Variants in MALRD1 observed in about 807,000 individuals in gnomAD.
MALRD1 encodes the protein MAM and LDL receptor class A domain containing 1, also known as MAM and LDL-receptor class A domain-containing protein 1.
In MALRD1, 247 loss-of-function variants were observed where a neutral mutation model predicts 242.1. The ratio of observed to expected loss-of-function variants is 1.02; its 90% CI spans 0.92 to 1.13. The LOEUF (loss-of-function observed/expected upper bound fraction) is 1.13, where lower values mean the gene tolerates loss of function less well. Ranked by LOEUF, MALRD1 falls within the 50% of genes most tolerant of loss-of-function variation. The pLI is 0.00. For missense variants in MALRD1, 2,989 were observed against 2,533.1 expected (o/e 1.18, Z -3.86); for synonymous variants, 995 against 866.6 (o/e 1.15, Z -2.60).
At chr10:19,402,721 T>G (rs1468808184) in intron 28 of MALRD1, among the ~76,000 whole-genome samples, 2 of 152,184 alleles carry the variant, frequency 1.3e-5, no homozygotes, top group Non-Finnish European at 2.9e-5. Flanking sequence ...AATACACATG[T>G]GTCTTCCATG....
chr10:19,621,244 C>G (rs1839385454), intron 36 of MALRD1, among the ~76,000 whole-genome samples: 2 of 149,638 alleles, frequency 1.3e-5, no homozygotes, highest in Non-Finnish European at 3.0e-5. Flanking sequence ...AACTCCAATT[C>G]CAAGTTAAAT....
At chr10:19,693,579 C>T (rs529421006) in intron 38 of MALRD1, among the ~76,000 whole-genome samples, 13 of 152,180 alleles carry the variant, frequency 8.5e-5, no homozygotes, top group Admixed American at 3.3e-4. Context: ...TAAAAGAGGA[C>T]ACAAACAAAT....
intron 29 of MALRD1, among the ~76,000 whole-genome samples, chr10:19,482,360 A>G (rs1837032113): frequency 1.3e-5 from 2 of 152,096 alleles, no homozygotes; most frequent in African/African-American, 2.4e-5. Flanking sequence ...TTCATGTATT[A>G]AAAAGCTAAA....
chr10:19,148,788 A>AATATATATATATATATATATAT (rs767384867), intron 11 of MALRD1, among the ~76,000 whole-genome samples: 2 of 88,044 alleles, frequency 2.3e-5, no homozygotes, highest in African/African-American at 4.1e-5. Context: ...AAAAAAAAAA[A>AATATATATATATATATATATAT]ATATATATAT....
At chr10:19,414,353 A>G (rs1004559138) in intron 28 of MALRD1, among the ~76,000 whole-genome samples, 14 of 152,192 alleles carry the variant, frequency 9.2e-5, no homozygotes, top group African/African-American at 2.9e-4. Context: ...AAATTTTAAA[A>G]AATATATTGT....
chr10:19,132,189 T>A (rs1444922920), intron 8 of MALRD1, among the ~76,000 whole-genome samples: 1 of 152,222 alleles, frequency 6.6e-6, no homozygotes, highest in Non-Finnish European at 1.5e-5. Context: ...ATTATTTTCA[T>A]AAAATGAAAA....
intron 20 of MALRD1, among the ~76,000 whole-genome samples, chr10:19,281,948 G>T (rs564993264): frequency 2.4e-5 from 3 of 122,796 alleles, no homozygotes; most frequent in Non-Finnish European, 4.8e-5. Context: ...GGATGACAAA[G>T]TGAGACGATG....
At chr10:19,690,010 A>C (rs1842752855) in intron 36 of MALRD1, among the ~76,000 whole-genome samples, 1 of 152,074 alleles carries the variant, frequency 6.6e-6, no homozygotes, top group Non-Finnish European at 1.5e-5. Flanking sequence ...TATCTCGAAA[A>C]CATGTATAGA....
chr10:19,245,728 A>G (rs1839015895), intron 18 of MALRD1, among the ~76,000 whole-genome samples: 1 of 152,190 alleles, frequency 6.6e-6, no homozygotes, highest in Admixed American at 6.5e-5. Context: ...AAAGCTCCAG[A>G]GGAGAATCCT....
At chr10:19,523,144 T>G (rs2131322653) in intron 31 of MALRD1, among the ~76,000 whole-genome samples, 1 of 152,294 alleles carries the variant, frequency 6.6e-6, no homozygotes, top group African/African-American at 2.4e-5. Context: ...CTCTTATTGC[T>G]TCTGAGTCCT....
At chr10:19,079,443 G>A (rs1398238829) in intron 2 of MALRD1, among the ~76,000 whole-genome samples, 1 of 151,816 alleles carries the variant, frequency 6.6e-6, no homozygotes, top group African/African-American at 2.4e-5. Flanking sequence ...AGAAGCATGT[G>A]CATTCTTTTG....
At chr10:19,098,907 G>T (rs974495433) in intron 4 of MALRD1, among the ~76,000 whole-genome samples, 3 of 152,122 alleles carry the variant, frequency 2.0e-5, no homozygotes, top group African/African-American at 7.2e-5. Flanking sequence ...TTTACATAGG[G>T]CACTAAAGAT....
intron 28 of MALRD1, among the ~76,000 whole-genome samples, chr10:19,426,628 C>A (rs562476527): frequency 2.6e-5 from 4 of 152,084 alleles, no homozygotes; most frequent in Middle Eastern, 6.8e-3. Flanking sequence ...ATGGTAAAAC[C>A]CTGTCTCTAC....
chr10:19,695,362 C>G (rs1449650747), intron 38 of MALRD1, among the ~76,000 whole-genome samples: 1 of 152,072 alleles, frequency 6.6e-6, no homozygotes, highest in Non-Finnish European at 1.5e-5. Flanking sequence ...TTTGCTTACG[C>G]AGTGTATTAG....
At chr10:19,587,790 C>T (rs953302800) in intron 33 of MALRD1, among the ~76,000 whole-genome samples, 4 of 152,052 alleles carry the variant, frequency 2.6e-5, no homozygotes, top group South Asian at 2.1e-4. Flanking sequence ...TCCTAAATGC[C>T]AGGAATTGGA....
intron 36 of MALRD1, among the ~76,000 whole-genome samples, chr10:19,646,504 C>A (rs1840664402): frequency 6.6e-6 from 1 of 152,038 alleles, no homozygotes; most frequent in Admixed American, 6.6e-5. Flanking sequence ...ACTTGGGAGG[C>A]TGAGGCAGGA....
intron 29 of MALRD1, among the ~76,000 whole-genome samples, chr10:19,452,074 A>T (rs1270502774): frequency 6.6e-6 from 1 of 152,188 alleles, no homozygotes; most frequent in Non-Finnish European, 1.5e-5. Flanking sequence ...TTGAAATTCT[A>T]TTATGGTTAG....
Position 19,123,504 on chromosome 10 carries a change from T to A in MALRD1, c.707T>A (p.Leu236Gln). ...TTAAATTTAACAGATGGAATTTTAC[T>A]GTGTCAAGAAGCATTGAATGCTGAG... Reference protein sequence around the residue: ...GCLPANDGILLCQEALNAERE... With the variant: ...GCLPANDGILQCQEALNAERE... The change falls in exon 6 of 40, where the codon CTG (leucine) becomes CAG (glutamine). Residue 236 changes from leucine (L) to glutamine (Q), a missense_variant. Coordinates refer to ENST00000454679, the MANE Select transcript of MALRD1 (RefSeq NM_001142308.3). 1.6e-6 allele frequency: 2 copies of A among 1,233,232 alleles called. No individual in the cohort carries two copies. The highest frequency in any genetic ancestry group is 2.0e-6 in the Non-Finnish European group (2 of 987,518). 76.4% of individuals were successfully genotyped at this position (1,233,232 alleles called of 1,614,324 possible). A position where few individuals can be genotyped will look rare whatever the true frequency, so the allele number is the denominator to read the frequency against.
chr10:19,558,821 C>T (rs1396005962), intron 32 of MALRD1, among the ~76,000 whole-genome samples: 1 of 152,034 alleles, frequency 6.6e-6, no homozygotes, highest in Non-Finnish European at 1.5e-5. Flanking sequence ...GTGTAAATTT[C>T]AGTAGATGTG....
Sources: gnomAD v4.1 joint callset for allele counts (sites outside exome capture counted in the v4.1 genomes callset) on GRCh38, gnomAD v4.1.1 for gene constraint, MANE v1.5 for transcripts, NCBI Gene and HGNC (gene_info 2026-07-23, HGNC 2026-07-21) for gene names.